Variants in ABCC12 observed in about 807,000 individuals in gnomAD.
The protein encoded by ABCC12 is ATP-binding cassette sub-family C member 12.
In ABCC12, 142 loss-of-function variants were observed where a neutral mutation model predicts 151.1. The observed-to-expected ratio is 0.94, with a 90% confidence interval of 0.82 to 1.08. ABCC12 has a LOEUF of 1.08. Among genes scored for constraint, ABCC12 ranks in the 50% least tolerant of loss-of-function variants. ABCC12 has a pLI of 0.00. For missense variants in ABCC12, 1,638 were observed against 1,691.1 expected, an observed-to-expected ratio of 0.97 and a Z score of 0.55; for synonymous variants, 645 against 646.4, an observed-to-expected ratio of 1.00 and a Z score of 0.03.
rs575492343 is a variant in ABCC12 at position 48,141,442 on chromosome 16, C to G, written c.276-89G>C. 1.1e-5 allele frequency: 17 copies of G among 1,523,342 alleles called. No individual in the cohort carries two copies. The East Asian group carries it at 3.9e-4, about 35-fold the overall frequency. 94.4% of individuals were successfully genotyped at this position (1,523,342 alleles called of 1,614,324 possible). Reference sequence around the variant, plus strand: ...TGTTGGGCATGCTCTTGCAAGGGTGCTCGGCAGAGCCCCCCTCCCTGGCAG... The same window carrying G: ...TGTTGGGCATGCTCTTGCAAGGGTGGTCGGCAGAGCCCCCCTCCCTGGCAG... On this transcript the variant is annotated intron_variant, in intron 4 of 30. Coordinates refer to ENST00000311303, the MANE Select transcript of ABCC12 (RefSeq NM_001393797.1).
chr16:48,105,091 C>A, intron 21 of ABCC12, 48 bp downstream of exon 21: 1 of 1,609,376 alleles, frequency 6.2e-7, no homozygotes, highest in East Asian at 2.2e-5. Context: ...GCTCCGTATA[C>A]CTTGTTGACT....
rs768715910 is a variant in ABCC12 at position 48,105,204 on chromosome 16, C to G, written c.2608G>C (p.Gly870Arg). The change falls in exon 21 of 31, where the codon GGC becomes CGC. Residue 870 changes from glycine to arginine, a missense_variant. Gly to Arg is a moderately radical substitution (Grantham distance 125). Transcript: ENST00000311303. The stretch of plus-strand genomic sequence containing the variant: ...AGTGTGGTCTTGGTGAAGACGAAGC[C>G]TTTGGTGACGCCAAACACCAGCATG... ...VFMLVFGVTK[G>R]FVFTKTTLMA... 1 of 1,614,176 alleles carries G rather than the reference C, an allele frequency of 6.2e-7. No individual in the cohort carries two copies. The highest frequency in any genetic ancestry group is 1.7e-5 in the Admixed American group (1 of 60,030).
chr16:48,094,449 T>TAGAGTTTAA (rs1164325108), intron 24 of ABCC12, among the ~76,000 whole-genome samples: 1 of 152,134 alleles, frequency 6.6e-6, no homozygotes, highest in Admixed American at 6.5e-5. Context: ...CAGAGCATGC[T>TAGAGTTTAA]AGAGTTTAAA....
At chr16:48,086,863 G>C in intron 27 of ABCC12, 44 bp from the exon 28 acceptor site, 1 of 1,531,240 alleles carries the variant, frequency 6.5e-7, no homozygotes, top group Non-Finnish European at 9.0e-7. Flanking sequence ...GATTTCCAAG[G>C]ACGAGAGGAT....
At chr16:48,129,011 C>T (rs1244749943) in intron 10 of ABCC12, among the ~76,000 whole-genome samples, 2 of 152,200 alleles carry the variant, frequency 1.3e-5, no homozygotes, top group Non-Finnish European at 2.9e-5. Flanking sequence ...CCCTTGTGCC[C>T]AAGACAGTCG....
chr16:48,122,025 A>G (rs1423110716), intron 12 of ABCC12, among the ~76,000 whole-genome samples, 185 bp from the exon 13 acceptor site: 1 of 152,254 alleles, frequency 6.6e-6, no homozygotes, highest in Non-Finnish European at 1.5e-5. Flanking sequence ...TCAGAGTCAA[A>G]CACCTGCACA....
chr16:48,091,121 G>A lies in ABCC12; in HGVS notation c.3284C>T (p.Ser1095Leu), dbSNP rs200832541. 1.0e-4 allele frequency: 161 copies of A among 1,614,040 alleles called. No individual in the cohort carries two copies. The highest frequency in any genetic ancestry group is 1.6e-4 in the East Asian group (7 of 44,884). ...TSVELLREYI[S>L]TCVPECTHPL... Reference sequence around the variant, plus strand: ...CTCTCTGATGCACTAATTTCTTACCGAAATGTATTCCCTGAGCAGCTCCAC... The same window carrying A: ...CTCTCTGATGCACTAATTTCTTACCAAAATGTATTCCCTGAGCAGCTCCAC... The change falls in exon 25 of 31, where the codon TCG becomes TTG. Residue 1095 changes from serine to leucine, a missense_variant and splice_region_variant. Physicochemically the swap from Ser to Leu is moderately radical, Grantham distance 145. Transcript: ENST00000311303.
At chr16:48,117,696 T>C (rs1187833575) in intron 13 of ABCC12, among the ~76,000 whole-genome samples, 1 of 152,110 alleles carries the variant, frequency 6.6e-6, no homozygotes, top group Non-Finnish European at 1.5e-5. Context: ...GGGCTGCAGT[T>C]ACTGGGGATG....
At chr16:48,096,958 C>T in intron 23 of ABCC12, 56 bp from the exon 24 acceptor site, 1 of 1,610,770 alleles carries the variant, frequency 6.2e-7, no homozygotes, top group Middle Eastern at 1.8e-4. Flanking sequence ...TCAGAAAAAG[C>T]AGGAGATCAG....
intron 2 of ABCC12, 35 bp from the exon 3 acceptor site, chr16:48,146,509 T>C (rs113422030): frequency 9.3e-7 from 1 of 1,078,154 alleles, no homozygotes. Flanking sequence ...TATTGAGAGG[T>C]GAGGATGTCT....
At chr16:48,147,939 G>GT (rs1481286956) in intron 2 of ABCC12, among the ~76,000 whole-genome samples, 1 of 147,850 alleles carries the variant, frequency 6.8e-6, no homozygotes, top group Non-Finnish European at 1.5e-5. Flanking sequence ...TGAATTTAAA[G>GT]TTTTTGTTGT....
chr16:48,128,754 A>G lies in ABCC12; in HGVS notation c.1237-17T>C, dbSNP rs1567454363. 1 of 1,607,560 alleles carries G rather than the reference A, an allele frequency of 6.2e-7. No individual in the cohort carries two copies. Among genetic ancestry groups the G allele is most frequent in the Non-Finnish European group, 8.5e-7 (1 of 1,177,858 alleles). ...GAGAATTTTCTAAGATTAAAGAGACAAAATTAACTGAGCAGATGTCATCCA... is the reference window on the plus strand; with the variant it reads ...GAGAATTTTCTAAGATTAAAGAGACGAAATTAACTGAGCAGATGTCATCCA... On this transcript the variant is annotated splice_polypyrimidine_tract_variant and intron_variant, in intron 10 of 30. Coordinates refer to ENST00000311303, the MANE Select transcript of ABCC12 (RefSeq NM_001393797.1).
At chr16:48,151,957 G>A (rs1965122581) in intron 2 of ABCC12, among the ~76,000 whole-genome samples, 1 of 152,214 alleles carries the variant, frequency 6.6e-6, no homozygotes, top group Non-Finnish European at 1.5e-5. Context: ...AAGGATTTGA[G>A]AAAAAGCCCA....
chr16:48,084,158 GAAGAAGAAAAAT>G, intron 29 of ABCC12, 85 bp from the exon 30 acceptor site: 1 of 1,383,782 alleles, frequency 7.2e-7, no homozygotes, highest in Non-Finnish European at 9.7e-7. Context: ...AAAAAAAGAA[GAAGAAGAAAAAT>G]AAGACCACAA....
chr16:48,142,634 G>A (rs1229700748), intron 4 of ABCC12, among the ~76,000 whole-genome samples: 1 of 152,184 alleles, frequency 6.6e-6, no homozygotes, highest in Non-Finnish European at 1.5e-5. Context: ...AGGAGGCCAT[G>A]ACTAACACTC....
intron 18 of ABCC12, 80 bp downstream of exon 18, chr16:48,111,356 T>A (rs892160140): frequency 6.7e-6 from 10 of 1,502,106 alleles, no homozygotes; most frequent in African/African-American, 4.1e-5. Context: ...ATGCACAGTG[T>A]CTACACTGTC....
chr16:48,091,003 G>T (rs908603454), intron 25 of ABCC12, 117 bp downstream of exon 25: 2 of 1,000,018 alleles, frequency 2.0e-6, no homozygotes, highest in Non-Finnish European at 3.1e-6. Context: ...AAGCCACCAC[G>T]CCCGGCCCGA....
At chr16:48,084,224 GAGA>G (rs1283783250) in intron 29 of ABCC12, 151 bp from the exon 30 acceptor site, 5 of 816,134 alleles carry the variant, frequency 6.1e-6, no homozygotes, top group African/African-American at 3.6e-5. Flanking sequence ...AAAAGAAAAT[GAGA>G]AGAACAAGAG....
chr16:48,139,557 A>G (rs1433216826), intron 6 of ABCC12, among the ~76,000 whole-genome samples: 1 of 152,162 alleles, frequency 6.6e-6, no homozygotes, highest in Non-Finnish European at 1.5e-5. Context: ...GCAGAAAGAC[A>G]AAGTGTAATG....
Sources: allele counts gnomAD v4.1 joint callset (sites outside exome capture counted in the v4.1 genomes callset), GRCh38; gene constraint gnomAD v4.1.1; transcripts MANE v1.5; gene names NCBI Gene and HGNC (gene_info 2026-07-23, HGNC 2026-07-21).